Variants in MALRD1 observed in about 807,000 individuals in gnomAD.
The protein encoded by MALRD1 is MAM and LDL-receptor class A domain-containing protein 1.
In MALRD1, 247 loss-of-function variants were observed where a neutral mutation model predicts 242.1. The ratio of observed to expected loss-of-function variants is 1.02; its 90% confidence interval spans 0.92 to 1.13. MALRD1 has a LOEUF of 1.13. MALRD1 is among the 50% of genes most tolerant of loss of function. The probability of loss-of-function intolerance (pLI) is 0.00; values close to 1 mark genes in which losing one functional copy is unlikely to be tolerated. For missense variants in MALRD1, 2,989 were observed against 2,533.1 expected (o/e 1.18, Z -3.86); for synonymous variants, 995 against 866.6 (o/e 1.15, Z -2.60).
At chr10:19,195,833 C>G (rs894688645) in intron 14 of MALRD1, among the ~76,000 whole-genome samples, 3 of 151,888 alleles carry the variant, frequency 2.0e-5, no homozygotes, top group African/African-American at 7.3e-5. Context: ...AGTGTGTTCT[C>G]GGTGCTACCC....
chr10:19,353,141 G>A (rs903271572), intron 26 of MALRD1, among the ~76,000 whole-genome samples: 4 of 151,830 alleles, frequency 2.6e-5, no homozygotes, highest in African/African-American at 9.7e-5. Context: ...TGAATAGCTG[G>A]GTTTACAGGC....
At chr10:19,283,642 CA>C (rs1364517644) in intron 21 of MALRD1, among the ~76,000 whole-genome samples, 1 of 152,010 alleles carries the variant, frequency 6.6e-6, no homozygotes, top group Non-Finnish European at 1.5e-5. Flanking sequence ...CATGTATGAA[CA>C]CAGGTAAATG....
At chr10:19,627,645 C>T (rs943691626) in intron 36 of MALRD1, among the ~76,000 whole-genome samples, 1 of 151,260 alleles carries the variant, frequency 6.6e-6, no homozygotes, top group Non-Finnish European at 1.5e-5. Context: ...CCTGTAATCC[C>T]AGCTACACGG....
chr10:19,404,251 T>C (rs1408507158), intron 28 of MALRD1, among the ~76,000 whole-genome samples: 2 of 152,048 alleles, frequency 1.3e-5, no homozygotes, highest in Admixed American at 1.3e-4. Flanking sequence ...AATGCACTTA[T>C]GCTTTTTTTA....
intron 29 of MALRD1, among the ~76,000 whole-genome samples, chr10:19,452,063 G>T (rs1048690091): frequency 6.6e-6 from 1 of 152,156 alleles, no homozygotes; most frequent in South Asian, 2.1e-4. Flanking sequence ...CAAGTAATAT[G>T]TTGAAATTCT....
chr10:19,431,342 AG>A (rs1449917671), intron 28 of MALRD1, among the ~76,000 whole-genome samples: 1 of 134,630 alleles, frequency 7.4e-6, no homozygotes, highest in Admixed American at 7.1e-5. Context: ...CTAATTCATT[AG>A]TATAGTTTGA....
intron 36 of MALRD1, among the ~76,000 whole-genome samples, chr10:19,689,634 T>A (rs1293939881): frequency 6.6e-6 from 1 of 152,108 alleles, no homozygotes; most frequent in Non-Finnish European, 1.5e-5. Context: ...ATTGAAAAAA[T>A]TATCTTATAC....
intron 28 of MALRD1, among the ~76,000 whole-genome samples, chr10:19,421,783 G>T (rs1193312050): frequency 1.3e-5 from 2 of 152,078 alleles, no homozygotes; most frequent in East Asian, 3.9e-4. Flanking sequence ...CTTTTCAGAG[G>T]CAGATTGCTA....
At chr10:19,415,812 T>C (rs1833495305) in intron 28 of MALRD1, among the ~76,000 whole-genome samples, 1 of 152,204 alleles carries the variant, frequency 6.6e-6, no homozygotes, top group Admixed American at 6.5e-5. Flanking sequence ...AGGGGTGTTC[T>C]CATGGTCTTT....
chr10:19,472,570 A>T (rs1836547845), intron 29 of MALRD1, among the ~76,000 whole-genome samples: 1 of 151,948 alleles, frequency 6.6e-6, no homozygotes, highest in South Asian at 2.1e-4. Context: ...TGACTGATTC[A>T]ATCTCTTTAC....
chr10:19,437,590 C>T (rs1215222897), intron 28 of MALRD1, among the ~76,000 whole-genome samples: 3 of 152,026 alleles, frequency 2.0e-5, no homozygotes, highest in Admixed American at 6.6e-5. Flanking sequence ...TGAATCCATT[C>T]ACATTGCTTG....
chr10:19,459,027 G>A (rs773188554), intron 29 of MALRD1, among the ~76,000 whole-genome samples: 1 of 152,058 alleles, frequency 6.6e-6, no homozygotes, highest in Non-Finnish European at 1.5e-5. Flanking sequence ...ATTACATAAA[G>A]AGACATTATT....
chr10:19,053,055 T>C (rs1834557615), intron 1 of MALRD1, among the ~76,000 whole-genome samples: 1 of 152,176 alleles, frequency 6.6e-6, no homozygotes. Flanking sequence ...ACCAGCCTGG[T>C]AAATGAAGAT....
Position 19,148,951 on chromosome 10 carries a change from TG to T in MALRD1, c.1558+2609del, listed in dbSNP as rs1833830109. On this transcript the variant is annotated intron_variant, in intron 11 of 39. Coordinates refer to ENST00000454679, the MANE Select transcript of MALRD1 (RefSeq NM_001142308.3). ...ACCAGGAAGGGAAAGGAAAGTGAAA[TG>T]GAAATTTCTGGTAGAGTCAGAGGCA... Among the ~76,000 whole-genome samples, 8 of 151,462 alleles carry T rather than the reference TG, an allele frequency of 5.3e-5. No individual in the cohort carries two copies. In the South Asian group the frequency reaches 1.7e-3, roughly 32 times the overall value.
Position 19,682,853 on chromosome 10 carries a change from C to T in MALRD1, c.6138-9429C>T, listed in dbSNP as rs556983140. ...AAGTTGGAAGAGCAGTACTTTCTCC[C>T]GCCTGGAGCCCTTCTGATGGGATAG... On this transcript the variant is annotated intron_variant, in intron 36 of 39. Coordinates refer to ENST00000454679, the MANE Select transcript of MALRD1 (RefSeq NM_001142308.3). 6.0e-4 allele frequency among the ~76,000 whole-genome samples: 92 copies of T among 152,278 alleles called. 3 individuals carry two copies. The South Asian group carries it at 0.018, about 30-fold the overall frequency.
chr10:19,596,719 A>G (rs1057176425), intron 34 of MALRD1, among the ~76,000 whole-genome samples: 1 of 150,490 alleles, frequency 6.6e-6, no homozygotes, highest in Non-Finnish European at 1.5e-5. Flanking sequence ...AGCCTGGGTG[A>G]CAAAGTGAGA....
rs1042688040 is a variant in MALRD1, at chr10:19,624,845, C to T, written c.6137+8922C>T. 1.9e-3 allele frequency among the ~76,000 whole-genome samples: 267 copies of T among 144,098 alleles called. 2 individuals are homozygous for T. The highest frequency in any genetic ancestry group is 6.8e-3 in the African/African-American group (261 of 38,664). The allele number at this position is 144,098 out of a possible 152,430, so 94.5% of individuals were successfully genotyped here. A position where few individuals can be genotyped will look rare whatever the true frequency, so the allele number is the denominator to read the frequency against. ...CGCACCACTGCACTCCACACTCCAG[C>T]CTGGGTGACAGAGGGAGACTATCTC... On this transcript the variant is annotated intron_variant, in intron 36 of 39. Transcript: ENST00000454679.
intron 21 of MALRD1, among the ~76,000 whole-genome samples, chr10:19,298,853 C>T (rs151313274): frequency 2.0e-5 from 3 of 151,984 alleles, no homozygotes; most frequent in Non-Finnish European, 4.4e-5. Context: ...CAGAAGTCAA[C>T]GTTTATCTTC....
chr10:19,237,522 A>G (rs1399191938), intron 18 of MALRD1, among the ~76,000 whole-genome samples: 1 of 133,548 alleles, frequency 7.5e-6, no homozygotes, highest in Non-Finnish European at 1.6e-5. Context: ...CCATATATAT[A>G]TATATATATA....
Sources: gnomAD v4.1 joint callset for allele counts (sites outside exome capture counted in the v4.1 genomes callset) on GRCh38, gnomAD v4.1.1 for gene constraint, MANE v1.5 for transcripts, NCBI Gene and HGNC (gene_info 2026-07-23, HGNC 2026-07-21) for gene names.